The following ATXN1 variants were observed in gnomAD, a reference collection of about 807,000 sequenced individuals.
ATXN1 encodes ataxin-1.
ATXN1 carries 8 observed loss-of-function variants against 56.4 expected under a neutral mutation model. That is an observed-to-expected ratio of 0.14 (90% CI 0.08 to 0.26). The LOEUF is 0.26. Among genes scored for constraint, ATXN1 ranks in the 10% least tolerant of loss-of-function variants. ATXN1 has a pLI of 1.00. For missense variants in ATXN1, 987 were observed against 1,106.5 expected (o/e 0.89, Z 1.53); for synonymous variants, 514 against 494.6 (o/e 1.04, Z -0.52).
chr6:16,553,381 C>T (rs535648577), intron 4 of ATXN1, among the ~76,000 whole-genome samples: 1 of 152,302 alleles, frequency 6.6e-6, no homozygotes, highest in East Asian at 1.9e-4. Flanking sequence ...CATGGAAGTC[C>T]TGCATGGCCT....
intron 6 of ATXN1, among the ~76,000 whole-genome samples, chr6:16,373,585 G>C (rs1762087277): frequency 6.6e-6 from 1 of 152,180 alleles, no homozygotes; most frequent in East Asian, 1.9e-4. Flanking sequence ...CATATTGTAG[G>C]AGGGACCTGC....
intron 3 of ATXN1, among the ~76,000 whole-genome samples, chr6:16,590,593 T>C (rs1762704512): frequency 6.6e-6 from 1 of 152,170 alleles, no homozygotes. Flanking sequence ...CCAAAGCAAA[T>C]CATTTTTCTG....
intron 2 of ATXN1, among the ~76,000 whole-genome samples, chr6:16,669,667 CTTTT>C (rs11356086): frequency 4.4e-5 from 5 of 113,122 alleles, no homozygotes; most frequent in Admixed American, 9.8e-5. Context: ...ACTGAACAAT[CTTTT>C]TTTTTTTTTT....
chr6:16,645,015 G>A (rs1763777353), intron 3 of ATXN1, among the ~76,000 whole-genome samples: 1 of 152,160 alleles, frequency 6.6e-6, no homozygotes, highest in Non-Finnish European at 1.5e-5. Context: ...TGTGCTTGTA[G>A]GTTCACTGGC....
At chr6:16,333,422 A>T (rs981879028) in intron 6 of ATXN1, among the ~76,000 whole-genome samples, 1 of 152,222 alleles carries the variant, frequency 6.6e-6, no homozygotes, top group African/African-American at 2.4e-5. Context: ...TGTGCTAGGG[A>T]TGTGGGGAAT....
intron 6 of ATXN1, among the ~76,000 whole-genome samples, chr6:16,482,605 G>A (rs1440708921): frequency 6.6e-6 from 1 of 152,104 alleles, no homozygotes; most frequent in Non-Finnish European, 1.5e-5. Flanking sequence ...CACAGAGGTG[G>A]TTTTAGAAAA....
chr6:16,327,045 G>A lies in ATXN1; in HGVS notation c.1266C>T (p.Gly422=), dbSNP rs772096684. Residue 422 remains glycine (G), a synonymous_variant, in exon 7 of 8, where the codon GGC becomes GGT. Transcript: ENST00000436367. ...GGGGTGAGAGCGCGTAGGACCGGTG[G>A]CCAGGCTTCCCTAAATGCAGGCCAC... is the stretch of plus-strand genomic sequence containing the variant. The part of the protein sequence containing the change: ...DKSGLHLGKP[G]HRSYALSPHT... 9.3e-6 allele frequency: 15 copies of A among 1,614,004 alleles called. No individual in the cohort carries two copies. The South Asian group carries it at 1.6e-4, about 18-fold the overall frequency.
intron 2 of ATXN1, among the ~76,000 whole-genome samples, chr6:16,723,946 A>G (rs1759796751): frequency 6.6e-6 from 1 of 152,164 alleles, no homozygotes; most frequent in African/African-American, 2.4e-5. Flanking sequence ...AAGCATGTTG[A>G]TTCTTACACA....
Position 16,429,191 on chromosome 6 carries a change from C to T in ATXN1, c.-161+56781G>A, listed in dbSNP as rs983549798. Among the ~76,000 whole-genome samples the T allele has an allele frequency of 7.2e-5, 11 of 152,036 alleles. No homozygotes were observed. In the South Asian group the frequency reaches 1.0e-3, roughly 14 times the overall value. ...GTGCGGTGGCCCTGGTGCATCATTT[C>T]CTAAGAACCCTAAATTTAAATTCTC... On this transcript the variant is annotated intron_variant, in intron 6 of 7. Coordinates refer to ENST00000436367, the MANE Select transcript of ATXN1 (RefSeq NM_001128164.2).
intron 5 of ATXN1, among the ~76,000 whole-genome samples, chr6:16,514,565 G>C (rs1480343764): frequency 6.6e-6 from 1 of 152,118 alleles, no homozygotes; most frequent in Non-Finnish European, 1.5e-5. Flanking sequence ...TTTTGCTGCT[G>C]ATTTAAGATT....
intron 6 of ATXN1, among the ~76,000 whole-genome samples, chr6:16,358,045 C>A: frequency 6.6e-6 from 1 of 152,010 alleles, no homozygotes; most frequent in East Asian, 1.9e-4. Context: ...GGAGAAATAT[C>A]CAAGAAAGGC....
chr6:16,355,560 C>CTTTT (rs11285936), intron 6 of ATXN1, among the ~76,000 whole-genome samples: 1 of 146,784 alleles, frequency 6.8e-6, no homozygotes, highest in Non-Finnish European at 1.5e-5. Flanking sequence ...CTCACCCACC[C>CTTTT]TTTTTTTTTT....
At chr6:16,370,839 C>T (rs183716793) in intron 6 of ATXN1, among the ~76,000 whole-genome samples, 37 of 152,280 alleles carry the variant, frequency 2.4e-4, no homozygotes, top group Admixed American at 1.6e-3. Context: ...CCTTAAACTA[C>T]AGTTTGTAAC....
intron 2 of ATXN1, among the ~76,000 whole-genome samples, chr6:16,716,756 A>C (rs1446758002): frequency 6.6e-6 from 1 of 152,224 alleles, no homozygotes; most frequent in Admixed American, 6.5e-5. Context: ...CATTAGACAA[A>C]TTATTGGATG....
chr6:16,499,652 A>G (rs567659849), intron 5 of ATXN1, among the ~76,000 whole-genome samples: 96 of 152,308 alleles, frequency 6.3e-4, no homozygotes, highest in African/African-American at 2.2e-3. Flanking sequence ...TCCAAGCCCG[A>G]CACCCACCCA....
intron 4 of ATXN1, among the ~76,000 whole-genome samples, chr6:16,584,243 TACACACACACACACACACACACACAC>T (rs368108414): frequency 4.5e-4 from 53 of 118,418 alleles, no homozygotes; most frequent in South Asian, 5.5e-4. Context: ...TATATATATA[TACACACACACACACACACACACACAC>T]ACATATACAC....
At chr6:16,646,927 G>A (rs2237166) in intron 3 of ATXN1, among the ~76,000 whole-genome samples, 64,990 of 152,130 alleles carry the variant, frequency 0.43, 15,117 homozygotes, top group Non-Finnish European at 0.52. Flanking sequence ...CATGAAAGTG[G>A]TATGATAATA....
intron 5 of ATXN1, among the ~76,000 whole-genome samples, chr6:16,513,229 C>T (rs567070914): frequency 2.0e-5 from 3 of 152,322 alleles, no homozygotes; most frequent in African/African-American, 4.8e-5. Flanking sequence ...CAATATACAA[C>T]AGGGCAGAGA....
intron 6 of ATXN1, among the ~76,000 whole-genome samples, chr6:16,337,800 T>C (rs539095951): frequency 1.3e-5 from 2 of 152,358 alleles, no homozygotes; most frequent in South Asian, 2.1e-4. Flanking sequence ...CAGTCCAGAC[T>C]AACTTGTTTC....
Sources: allele counts gnomAD v4.1 joint callset (sites outside exome capture counted in the v4.1 genomes callset), GRCh38; gene constraint gnomAD v4.1.1; transcripts MANE v1.5; gene names NCBI Gene and HGNC (gene_info 2026-07-23, HGNC 2026-07-21).